CHD5: variants seen among roughly 807,000 people sequenced by gnomAD.
CHD5 encodes the protein ATP-dependent chromatin remodeler CHD5.
Under a neutral mutation model 230.3 loss-of-function variants are expected in CHD5, and 69 were observed. That is an observed-to-expected ratio of 0.30 (90% CI 0.25 to 0.37). CHD5 has a LOEUF of 0.37. Ranked by LOEUF, CHD5 falls within the 10% of genes least tolerant of loss-of-function variation. CHD5 has a pLI of 1.00. For missense variants in CHD5, 1,827 were observed against 2,622.8 expected, an observed-to-expected ratio of 0.70 and a Z score of 6.63; for synonymous variants, 1,064 against 1,065.9, an observed-to-expected ratio of 1.00 and a Z score of 0.03.
At position 6,110,485 on chromosome 1, in the gene CHD5, C is replaced by A. The variant is rs765762799; in HGVS notation, c.5291G>T (p.Arg1764Leu). Residue 1764 changes from arginine to leucine, a missense_variant, in exon 37 of 42, where the codon CGG (arginine) becomes CTG (leucine). Transcript: ENST00000262450. ...ARWQDIQNDP[R>L]YMILNEPFKS... ...GAAGGGCTCGTTGAGGATCATGTACCGTGGGTCATTCTGGATGTCCTGCCA... is the reference window on the plus strand; with the variant it reads ...GAAGGGCTCGTTGAGGATCATGTACAGTGGGTCATTCTGGATGTCCTGCCA... 1 of 1,613,628 alleles carries A rather than the reference C, an allele frequency of 6.2e-7. No homozygotes were observed. Among genetic ancestry groups the A allele is most frequent in the Admixed American group, 1.7e-5 (1 of 60,012 alleles).
In CHD5 at chr1:6,146,263, C is replaced by T. The variant is rs141210110; in HGVS notation, c.1751G>A (p.Arg584His). 5.7e-5 allele frequency: 92 copies of T among 1,614,050 alleles called. No individual in the cohort carries two copies. Among genetic ancestry groups the T allele is most frequent in the Non-Finnish European group, 6.9e-5 (82 of 1,180,026 alleles). Reference sequence around the variant, plus strand: ...CATCCACTCTGGCTTGATGCCATAGCGGTAGAAGCGCTCCTCCATCTTGGC... The same window carrying T: ...CATCCACTCTGGCTTGATGCCATAGTGGTAGAAGCGCTCCTCCATCTTGGC... ...LYAKMEERFY[R>H]YGIKPEWMMI... The change falls in exon 11 of 42, where the codon CGC becomes CAC. Residue 584 changes from arginine (R) to histidine (H), a missense_variant. Physicochemically the swap from Arg to His is conservative, Grantham distance 29. This residue lies in a region of CHD5 where 657 missense variants were observed against 816.4 expected (regional missense o/e 0.80). Coordinates refer to ENST00000262450, the MANE Select transcript of CHD5 (RefSeq NM_015557.3). This position sits in a 1 kb window ranked among gnomAD's most constrained non-coding sequence, Gnocchi z 5.1.
chr1:6,118,202 C>A (rs1030228931), intron 33 of CHD5, among the ~76,000 whole-genome samples: 1 of 151,782 alleles, frequency 6.6e-6, no homozygotes, highest in Non-Finnish European at 1.5e-5. Flanking sequence ...ATGGCAAAAC[C>A]CCGTCTCTAC....
rs1172990356 is a variant in CHD5 at position 6,146,806 on chromosome 1, G to C, written c.1449C>G (p.Pro483=). 6.3e-7 allele frequency: 1 copy of C among 1,582,700 alleles called. No individual in the cohort carries two copies. The highest frequency in any genetic ancestry group is 2.3e-5 in the East Asian group (1 of 44,370). ...CAGGCCCCGGCAGCCCCACCATGAA[G>C]GGGGCAGGGGGCTCCGTCCACCTCC... The part of the protein sequence containing the change: ...LHWRWTEPPA[P]FMVGLPGPDV... Residue 483 remains proline (P), a synonymous_variant, in exon 10 of 42, where the codon CCC becomes CCG. Coordinates refer to ENST00000262450, the MANE Select transcript of CHD5 (RefSeq NM_015557.3). This position sits in a 1 kb window ranked among gnomAD's most constrained non-coding sequence, Gnocchi z 5.1.
intron 38 of CHD5, among the ~76,000 whole-genome samples, chr1:6,108,690 G>A (rs1383083784): frequency 1.3e-5 from 2 of 149,792 alleles, no homozygotes; most frequent in Non-Finnish European, 3.0e-5. Context: ...ATGGAGGGGT[G>A]GAAGGATGGA....
rs759789009 is a variant in CHD5, at chr1:6,106,506, C to T, written c.5746G>A (p.Ala1916Thr). The change falls in exon 40 of 42, where the codon GCT becomes ACT. Residue 1916 changes from alanine to threonine, a missense_variant. This residue lies in a region of CHD5 where 208 missense variants were observed against 302.0 expected (regional missense o/e 0.69). Coordinates refer to ENST00000262450, the MANE Select transcript of CHD5 (RefSeq NM_015557.3). Reference sequence around the variant, plus strand: ...CTGTACATCTGGGAGGAGCCGAAAGCGCCCTGGAGGCAAGGACTCAGCTTC... The same window carrying T: ...CTGTACATCTGGGAGGAGCCGAAAGTGCCCTGGAGGCAAGGACTCAGCTTC... ...RAGDPTIQQGAFGSSQMYSNN... is the reference protein window; with the variant it reads ...RAGDPTIQQGTFGSSQMYSNN... 236 of 1,551,624 alleles carry T rather than the reference C, an allele frequency of 1.5e-4. No homozygotes were observed. Among genetic ancestry groups the T allele is most frequent in the East Asian group, 4.1e-4 (17 of 40,966 alleles).
At position 6,150,914 on chromosome 1, in the gene CHD5, A is replaced by C; in HGVS notation, c.994+118T>G. ...TGCCCTCCCCCTGCTTCCCACGGGGAGGTTCCATGCCCCGCACATCCACCC... is the reference window on the plus strand; with the variant it reads ...TGCCCTCCCCCTGCTTCCCACGGGGCGGTTCCATGCCCCGCACATCCACCC... On this transcript the variant is annotated intron_variant, in intron 7 of 41. Coordinates refer to ENST00000262450, the MANE Select transcript of CHD5 (RefSeq NM_015557.3). 3 of 1,253,556 alleles carry C rather than the reference A, an allele frequency of 2.4e-6. No individual in the cohort carries two copies. The South Asian group carries it at 7.6e-5, about 32-fold the overall frequency. The allele number at this position is 1,253,556 out of a possible 1,614,324, so 77.7% of individuals were successfully genotyped here.
intron 38 of CHD5, among the ~76,000 whole-genome samples, chr1:6,108,378 C>A (rs536861323): frequency 1.1e-5 from 1 of 88,058 alleles, no homozygotes; most frequent in Non-Finnish European, 2.3e-5. Flanking sequence ...AATGGAAGGA[C>A]GAAGGGATGA....
intron 3 of CHD5, among the ~76,000 whole-genome samples, chr1:6,157,924 G>A (rs1368754666): frequency 2.0e-5 from 3 of 152,174 alleles, no homozygotes; most frequent in African/African-American, 7.2e-5. Flanking sequence ...TCAGGACACC[G>A]CCAGGAAGAA....
In CHD5 at chr1:6,154,560, C is replaced by T. The variant is rs1361112730; in HGVS notation, c.745+100G>A. 1.2e-5 allele frequency: 13 copies of T among 1,087,596 alleles called. No individual in the cohort carries two copies. In the East Asian group the frequency reaches 3.2e-4, roughly 27 times the overall value. The allele number at this position is 1,087,596 out of a possible 1,614,324, so 67.4% of individuals were successfully genotyped here. On this transcript the variant is annotated intron_variant, in intron 5 of 41. Coordinates refer to ENST00000262450, the MANE Select transcript of CHD5 (RefSeq NM_015557.3). The surrounding 1 kb of genome is among the most constrained non-coding windows in gnomAD (Gnocchi z 7.0). The stretch of plus-strand genomic sequence containing the variant: ...GAGCCCTCCATTAGGAGCACCCCAG[C>T]TGCCCCTCCCTGCCCGCGTCTGCCC...
intron 31 of CHD5, among the ~76,000 whole-genome samples, chr1:6,122,018 G>A (rs912351664): frequency 6.6e-6 from 1 of 152,318 alleles, no homozygotes; most frequent in Non-Finnish European, 1.5e-5. Context: ...ACACAGCTCT[G>A]AGAAGCCCCG....
chr1:6,112,642 C>T lies in CHD5; in HGVS notation c.5002+267G>A, dbSNP rs112439465. Among the ~76,000 whole-genome samples, 295 of 152,326 alleles carry T rather than the reference C, an allele frequency of 1.9e-3. 1 individual carries two copies. The highest frequency in any genetic ancestry group is 6.9e-3 in the African/African-American group (285 of 41,590). On this transcript the variant is annotated intron_variant, in intron 34 of 41. Coordinates refer to ENST00000262450, the MANE Select transcript of CHD5 (RefSeq NM_015557.3). ...GAGGTATGCAAAGCTTCCAGCTGAG[C>T]CCCAAATCCCCCAGGCCAGGCTCTA...
chr1:6,161,410 T>C (rs938584986), intron 2 of CHD5, among the ~76,000 whole-genome samples: 5 of 152,046 alleles, frequency 3.3e-5, no homozygotes, highest in Non-Finnish European at 7.4e-5. Flanking sequence ...ACTTCCCTCC[T>C]CTCCTGGAAG....
chr1:6,123,149 T>C (rs959576426), intron 31 of CHD5, among the ~76,000 whole-genome samples: 4 of 151,832 alleles, frequency 2.6e-5, no homozygotes, highest in Admixed American at 2.6e-4. Context: ...GAAGCACTGA[T>C]GCACGCTGCA....
rs191444120 is a variant in CHD5 at position 6,114,703 on chromosome 1, A to G, written c.4913-1705T>C. On this transcript the variant is annotated intron_variant, in intron 33 of 41. Transcript: ENST00000262450. ...TAGGGTGACCAAAGACAGAGAAAAAAGAAAAAGAAGGAAGAGAATCCACAG... is the reference window on the plus strand; with the variant it reads ...TAGGGTGACCAAAGACAGAGAAAAAGGAAAAAGAAGGAAGAGAATCCACAG... 2.0e-5 allele frequency among the ~76,000 whole-genome samples: 3 copies of G among 152,264 alleles called. No homozygotes were observed. In the East Asian group the frequency reaches 5.8e-4, roughly 29 times the overall value.
Position 6,125,960 on chromosome 1 carries a change from C to T in CHD5, c.4079-102G>A. On this transcript the variant is annotated intron_variant, in intron 26 of 41. Coordinates refer to ENST00000262450, the MANE Select transcript of CHD5 (RefSeq NM_015557.3). The surrounding 1 kb of genome is among the most constrained non-coding windows in gnomAD (Gnocchi z 6.7). ...GCCACGCCGAGCCCCTGCACCCCAG[C>T]TCCATAAAAAAGCAGTGACAATGGC... 1 of 811,152 alleles carries T rather than the reference C, an allele frequency of 1.2e-6. No individual in the cohort carries two copies. Among genetic ancestry groups the T allele is most frequent in the Non-Finnish European group, 2.1e-6 (1 of 486,468 alleles). The allele number at this position is 811,152 out of a possible 1,614,324, so 50.2% of individuals were successfully genotyped here.
chr1:6,150,250 G>A (rs1191818161), intron 7 of CHD5, among the ~76,000 whole-genome samples: 9 of 148,806 alleles, frequency 6.0e-5, no homozygotes, highest in South Asian at 2.2e-4. Context: ...AATGGATAAC[G>A]GATGGACAAT....
chr1:6,172,129 G>A (rs576153087), intron 1 of CHD5, among the ~76,000 whole-genome samples: 3 of 152,350 alleles, frequency 2.0e-5, no homozygotes, highest in Admixed American at 6.5e-5. Context: ...CCCCAGGCTG[G>A]CCTAGGCTGA....
In CHD5 at chr1:6,102,190, G is replaced by GAC. The variant is rs549692439; in HGVS notation, c.*3282_*3283dup. 5.1e-3 allele frequency: 1,119 copies of GAC among 217,492 alleles called. 9 individuals carry two copies. The highest frequency in any genetic ancestry group is 0.013 in the Middle Eastern group (7 of 550). 13.5% of individuals were successfully genotyped at this position (217,492 alleles called of 1,614,324 possible). A position where few individuals can be genotyped will look rare whatever the true frequency, so the allele number is the denominator to read the frequency against. On this transcript the variant is annotated 3_prime_UTR_variant, in exon 42 of 42. Coordinates refer to ENST00000262450, the MANE Select transcript of CHD5 (RefSeq NM_015557.3). ...TCCAATCGCTGCTTGAGGAGTTCAGGACACACACACACACCCAACGGGCCC... is the reference window on the plus strand; with the variant it reads ...TCCAATCGCTGCTTGAGGAGTTCAGGACACACACACACACACCCAACGGGCCC...
Position 6,125,270 on chromosome 1 carries a change from A to C in CHD5, c.4261-37T>G. The C allele has an allele frequency of 1.0e-5, 12 of 1,173,308 alleles. No homozygotes were observed. Among genetic ancestry groups the C allele is most frequent in the Non-Finnish European group, 1.5e-5 (12 of 825,838 alleles). 72.7% of individuals were successfully genotyped at this position (1,173,308 alleles called of 1,614,324 possible). A position where few individuals can be genotyped will look rare whatever the true frequency, so the allele number is the denominator to read the frequency against. On this transcript the variant is annotated intron_variant, in intron 28 of 41. Transcript: ENST00000262450. The surrounding 1 kb of genome is among the most constrained non-coding windows in gnomAD (Gnocchi z 6.7). ...GAGCGTGGGAGTATGAGCCCAGGAC[A>C]GAGAGGGGTGGGGGTGGAGGATTCT...
Sources: allele counts gnomAD v4.1 joint callset (sites outside exome capture counted in the v4.1 genomes callset), GRCh38; gene constraint gnomAD v4.1.1; regional missense constraint gnomAD v4.1.1; non-coding constraint Gnocchi (gnomAD v3.1); transcripts MANE v1.5; gene names NCBI Gene and HGNC (gene_info 2026-07-23, HGNC 2026-07-21).